POPDC3: variants seen among roughly 807,000 people sequenced by gnomAD.
The protein encoded by POPDC3 is popeye domain-containing protein 3.
In POPDC3, 20 loss-of-function variants were observed where a neutral mutation model predicts 28.2. The ratio of observed to expected loss-of-function variants is 0.71; its 90% CI spans 0.50 to 1.03. The LOEUF (loss-of-function observed/expected upper bound fraction) is 1.03. Ranked by LOEUF, POPDC3 falls within the 50% of genes least tolerant of loss-of-function variation. The probability of loss-of-function intolerance (pLI) is 0.00; values close to 1 mark genes in which losing one functional copy is unlikely to be tolerated. For synonymous variants in POPDC3, 118 were observed against 124.1 expected, an observed-to-expected ratio of 0.95 and a Z score of 0.33; for missense variants, 316 against 345.9, an observed-to-expected ratio of 0.91 and a Z score of 0.69.
chr6:105,166,947 T>C (rs536204051), intron 1 of POPDC3, among the ~76,000 whole-genome samples: 7 of 151,830 alleles, frequency 4.6e-5, no homozygotes, highest in African/African-American at 1.7e-4. Flanking sequence ...TATATATTTA[T>C]ATAAATATAT....
At chr6:105,165,563 T>C (rs1774438621) in intron 1 of POPDC3, among the ~76,000 whole-genome samples, 1 of 152,208 alleles carries the variant, frequency 6.6e-6, no homozygotes, top group South Asian at 2.1e-4. Flanking sequence ...TAACATCTTC[T>C]GTCATCTATG....
rs543806455 is a variant in POPDC3, at chr6:105,172,479, G to A, written c.-252+7354C>T. On this transcript the variant is annotated intron_variant, in intron 1 of 3. Transcript: ENST00000254765. ...CAACCATTGTGGAAGTCAGTGTGGC[G>A]ATTCCTCAGGGATCTAGAACTAGAA... Among the ~76,000 whole-genome samples, 339 of 150,566 alleles carry A rather than the reference G, an allele frequency of 2.3e-3. 14 individuals carry two copies. Among genetic ancestry groups the A allele is most frequent in the African/African-American group, 8.0e-3 (328 of 40,918 alleles).
intron 1 of POPDC3, among the ~76,000 whole-genome samples, chr6:105,173,200 G>T (rs1202622981): frequency 1.3e-5 from 2 of 152,140 alleles, no homozygotes; most frequent in African/African-American, 4.8e-5. Context: ...GCATTACCAA[G>T]ATTTAATATA....
chr6:105,162,588 C>T (rs146514320), intron 1 of POPDC3, among the ~76,000 whole-genome samples: 2 of 152,176 alleles, frequency 1.3e-5, no homozygotes, highest in African/African-American at 4.8e-5. Context: ...AAAAATTACC[C>T]AGGCGTGGTG....
At chr6:105,179,158 C>T (rs1418375065) in intron 1 of POPDC3, 2 of 985,322 alleles carry the variant, frequency 2.0e-6, no homozygotes, top group African/African-American at 3.5e-5. Context: ...AACTATACCA[C>T]TGTAACCGAC....
At chr6:105,176,272 T>G (rs890311867) in intron 1 of POPDC3, among the ~76,000 whole-genome samples, 1 of 152,230 alleles carries the variant, frequency 6.6e-6, no homozygotes, top group Non-Finnish European at 1.5e-5. Context: ...CAGCATGAGC[T>G]GCAGTTTTTA....
intron 1 of POPDC3, among the ~76,000 whole-genome samples, chr6:105,175,427 A>G (rs1327796110): frequency 6.7e-6 from 1 of 150,156 alleles, no homozygotes; most frequent in Non-Finnish European, 1.5e-5. Flanking sequence ...AGTCCCAGCT[A>G]CATGGGAGGC....
chr6:105,179,195 G>C, intron 1 of POPDC3: 1 of 985,396 alleles, frequency 1.0e-6, no homozygotes, highest in Non-Finnish European at 1.2e-6. Flanking sequence ...TTAGGGGTTG[G>C]CAAATTTCTT....
chr6:105,162,821 T>G (rs1236487548), intron 1 of POPDC3, among the ~76,000 whole-genome samples: 2 of 152,232 alleles, frequency 1.3e-5, no homozygotes, highest in Non-Finnish European at 2.9e-5. Flanking sequence ...GTTTGTATTT[T>G]AAGCTCCCCA....
chr6:105,177,704 G>GT (rs1582999868), intron 1 of POPDC3, among the ~76,000 whole-genome samples: 1 of 152,100 alleles, frequency 6.6e-6, no homozygotes, highest in East Asian at 1.9e-4. Flanking sequence ...AGATTCTTCT[G>GT]TAAGCTTAGC....
chr6:105,173,814 G>A (rs1289694237), intron 1 of POPDC3, among the ~76,000 whole-genome samples: 1 of 151,084 alleles, frequency 6.6e-6, no homozygotes, highest in African/African-American at 2.4e-5. Flanking sequence ...TGTCTTTGAA[G>A]TAGAGAATTA....
At position 105,159,699 on chromosome 6, in the gene POPDC3, G is replaced by T. The variant is rs1275021362; in HGVS notation, c.594+12C>A. The T allele has an allele frequency of 1.4e-6, 2 of 1,473,668 alleles. No homozygotes were observed. The highest frequency in any genetic ancestry group is 2.3e-5 in the East Asian group (1 of 44,168). The allele number at this position is 1,473,668 out of a possible 1,614,324, so 91.3% of individuals were successfully genotyped here. A position where few individuals can be genotyped will look rare whatever the true frequency, so the allele number is the denominator to read the frequency against. On this transcript the variant is annotated intron_variant, in intron 3 of 3. Coordinates refer to ENST00000254765, the MANE Select transcript of POPDC3 (RefSeq NM_022361.5). ...AGAGGGAGTGCTAACTGTGTGTTCT[G>T]GTATCCCTTACCTGAAAAATGCCTT...
chr6:105,176,139 T>C (rs1041496349), intron 1 of POPDC3, among the ~76,000 whole-genome samples: 1 of 152,236 alleles, frequency 6.6e-6, no homozygotes, highest in Non-Finnish European at 1.5e-5. Flanking sequence ...AAAGCATATA[T>C]AGTATCATCC....
intron 1 of POPDC3, 54 bp downstream of exon 1, chr6:105,179,779 T>C (rs1439053894): frequency 2.0e-5 from 3 of 152,078 alleles, no homozygotes; most frequent in African/African-American, 7.3e-5. Flanking sequence ...GGTGCGAGGG[T>C]GCGGACAGCA....
chr6:105,159,840 CATTT>C (rs777333772), intron 2 of POPDC3, 21 bp from the exon 3 acceptor site: 1 of 1,431,490 alleles, frequency 7.0e-7, no homozygotes, highest in South Asian at 1.2e-5. Flanking sequence ...ACAAGAACAA[CATTT>C]ATAAGGGAAG....
chr6:105,171,049 G>A (rs1774566750), intron 1 of POPDC3, among the ~76,000 whole-genome samples: 1 of 152,182 alleles, frequency 6.6e-6, no homozygotes, highest in African/African-American at 2.4e-5. Flanking sequence ...AAGTGTGAAA[G>A]GATAGCAAAC....
In POPDC3 at chr6:105,158,003, G is replaced by A. The variant is rs1774220766; in HGVS notation, c.*467C>T. Among the ~76,000 whole-genome samples, 1 of 78,056 alleles carries A rather than the reference G, an allele frequency of 1.3e-5. No individual in the cohort carries two copies. Among genetic ancestry groups the A allele is most frequent in the South Asian group, 5.5e-4 (1 of 1,808 alleles). The allele number at this position is 78,056 out of a possible 152,430, so 51.2% of individuals were successfully genotyped here. A position where few individuals can be genotyped will look rare whatever the true frequency, so the allele number is the denominator to read the frequency against. The stretch of plus-strand genomic sequence containing the variant: ...TACTTTTTAGTCGCATCAAGTAACT[G>A]CACATTTAAAATAAATAATTGCTTT... On this transcript the variant is annotated 3_prime_UTR_variant, in exon 4 of 4. Transcript: ENST00000254765.
At chr6:105,165,728 T>C (rs1018934019) in intron 1 of POPDC3, among the ~76,000 whole-genome samples, 42 of 152,334 alleles carry the variant, frequency 2.8e-4, no homozygotes, top group African/African-American at 9.4e-4. Context: ...AAGAACAGTT[T>C]ATTGCTTTGA....
chr6:105,164,599 G>A (rs1774420494), intron 1 of POPDC3, among the ~76,000 whole-genome samples: 1 of 152,250 alleles, frequency 6.6e-6, no homozygotes, highest in Non-Finnish European at 1.5e-5. Context: ...ATGAGCAGGA[G>A]TGTCCTTCTG....
Sources: gnomAD v4.1 joint callset for allele counts (sites outside exome capture counted in the v4.1 genomes callset) on GRCh38, gnomAD v4.1.1 for gene constraint, MANE v1.5 for transcripts, NCBI Gene and HGNC (gene_info 2026-07-23, HGNC 2026-07-21) for gene names.